CPEB3: variants seen among roughly 807,000 people sequenced by gnomAD.
CPEB3 encodes cytoplasmic polyadenylation element binding protein 3, also known as cytoplasmic polyadenylation element-binding protein 3.
A neutral mutation model predicts 67.2 loss-of-function variants in CPEB3; 20 were observed. The observed-to-expected ratio is 0.30, with a 90% CI of 0.21 to 0.43. CPEB3 has a LOEUF of 0.43. Ranked by LOEUF, CPEB3 falls within the 20% of genes least tolerant of loss-of-function variation. The probability of loss-of-function intolerance (pLI) is 1.00; values close to 1 mark genes in which losing one functional copy is unlikely to be tolerated. For missense variants in CPEB3, 746 were observed against 968.6 expected, an observed-to-expected ratio of 0.77 and a Z score of 3.05; for synonymous variants, 376 against 393.1, an observed-to-expected ratio of 0.96 and a Z score of 0.51.
At chr10:92,088,630 TA>T (rs925238893) in intron 8 of CPEB3, among the ~76,000 whole-genome samples, 81 of 144,716 alleles carry the variant, frequency 5.6e-4, no homozygotes, top group East Asian at 5.9e-4. Flanking sequence ...TATCAAAGAT[TA>T]AAAAAAAAAA....
At chr10:92,171,557 GA>G (rs1354311068) in intron 4 of CPEB3, among the ~76,000 whole-genome samples, 2 of 152,154 alleles carry the variant, frequency 1.3e-5, no homozygotes, top group Non-Finnish European at 2.9e-5. Flanking sequence ...AACTCAAAAG[GA>G]AACAAAGGAA....
At chr10:92,287,133 C>CTTT (rs377070575) in intron 1 of CPEB3, among the ~76,000 whole-genome samples, 3 of 144,424 alleles carry the variant, frequency 2.1e-5, no homozygotes, top group Non-Finnish European at 3.0e-5. Flanking sequence ...TTATCATAGA[C>CTTT]TTTTTTTTTT....
intron 4 of CPEB3, among the ~76,000 whole-genome samples, chr10:92,163,435 T>G (rs1291789691): frequency 3.9e-5 from 6 of 151,956 alleles, no homozygotes; most frequent in Non-Finnish European, 1.5e-5. Context: ...AAAAAAAAAT[T>G]ACTTTCCTTG....
At chr10:92,183,362 T>C (rs960012363) in intron 3 of CPEB3, among the ~76,000 whole-genome samples, 9 of 152,198 alleles carry the variant, frequency 5.9e-5, no homozygotes, top group African/African-American at 2.2e-4. Context: ...AAAATTATAG[T>C]TGGCAACAAG....
intron 3 of CPEB3, among the ~76,000 whole-genome samples, chr10:92,181,236 C>CA (rs576651930): frequency 1.5e-3 from 232 of 150,270 alleles, no homozygotes; most frequent in Non-Finnish European, 2.5e-3. Context: ...TAAAAAAAAA[C>CA]AAAAAAAGAA....
intron 1 of CPEB3, among the ~76,000 whole-genome samples, chr10:92,245,890 T>C (rs760478105): frequency 2.0e-5 from 3 of 151,688 alleles, no homozygotes; most frequent in African/African-American, 4.8e-5. Context: ...TATAAAAAAT[T>C]AGCCAGATGT....
chr10:92,066,897 AC>A (rs1182323145), intron 9 of CPEB3, among the ~76,000 whole-genome samples: 5 of 151,164 alleles, frequency 3.3e-5, no homozygotes, highest in African/African-American at 1.2e-4. Flanking sequence ...ATACAAAAAA[AC>A]ATTAGCCGGG....
chr10:92,090,441 C>T (rs1174994743), intron 8 of CPEB3, among the ~76,000 whole-genome samples: 1 of 152,188 alleles, frequency 6.6e-6, no homozygotes, highest in African/African-American at 2.4e-5. Flanking sequence ...ACTTGGGGGA[C>T]TGAGGCTGGA....
At chr10:92,170,933 C>T (rs570327834) in intron 4 of CPEB3, among the ~76,000 whole-genome samples, 58 of 152,272 alleles carry the variant, frequency 3.8e-4, no homozygotes, top group African/African-American at 1.4e-3. Flanking sequence ...GACTCAATTC[C>T]TACACTGTTC....
At chr10:92,058,613 T>A (rs1183220283) in intron 9 of CPEB3, among the ~76,000 whole-genome samples, 2 of 147,948 alleles carry the variant, frequency 1.4e-5, no homozygotes, top group African/African-American at 2.5e-5. Flanking sequence ...ATATATAAAT[T>A]AATTATATAT....
intron 2 of CPEB3, among the ~76,000 whole-genome samples, chr10:92,232,757 C>CAAAAAA (rs370945253): frequency 8.2e-6 from 1 of 122,068 alleles, no homozygotes; most frequent in Non-Finnish European, 1.7e-5. Flanking sequence ...AACTCCATCT[C>CAAAAAA]AAAAAAAAAA....
chr10:92,054,095 C>T (rs1326270614), intron 9 of CPEB3, among the ~76,000 whole-genome samples: 1 of 152,064 alleles, frequency 6.6e-6, no homozygotes, highest in Non-Finnish European at 1.5e-5. Context: ...TGGAGATATA[C>T]AACTCAATGG....
At chr10:92,248,481 G>C (rs1852161054) in intron 1 of CPEB3, among the ~76,000 whole-genome samples, 1 of 152,042 alleles carries the variant, frequency 6.6e-6, no homozygotes, top group African/African-American at 2.4e-5. Context: ...TACATCCCTA[G>C]CACAATGCTT....
intron 2 of CPEB3, among the ~76,000 whole-genome samples, chr10:92,215,754 T>TC: frequency 7.0e-6 from 1 of 143,638 alleles, no homozygotes; most frequent in South Asian, 2.3e-4. Flanking sequence ...TTTTTTTTTT[T>TC]TTTTCTTTTT....
chr10:92,242,521 T>C (rs1341347009), intron 1 of CPEB3, among the ~76,000 whole-genome samples: 3 of 152,226 alleles, frequency 2.0e-5, no homozygotes, highest in Admixed American at 2.0e-4. Flanking sequence ...CATTATAATC[T>C]GAGATTTGAG....
chr10:92,103,541 T>G (rs775850065), intron 7 of CPEB3, among the ~76,000 whole-genome samples: 5 of 152,222 alleles, frequency 3.3e-5, no homozygotes, highest in African/African-American at 7.2e-5. Context: ...CCTACAAGGC[T>G]CCCTGTCCTC....
At chr10:92,195,778 T>C (rs1849212532) in intron 2 of CPEB3, among the ~76,000 whole-genome samples, 1 of 152,166 alleles carries the variant, frequency 6.6e-6, no homozygotes, top group South Asian at 2.1e-4. Context: ...TAGATAACAA[T>C]ATACCCATTT....
chr10:92,059,971 T>G (rs1044687465), intron 9 of CPEB3, among the ~76,000 whole-genome samples: 4 of 141,646 alleles, frequency 2.8e-5, no homozygotes, highest in Non-Finnish European at 4.6e-5. Flanking sequence ...AAAAAAAAAA[T>G]CAATCATATC....
chr10:92,176,087 T>C (rs1848210341), intron 4 of CPEB3, among the ~76,000 whole-genome samples: 1 of 150,822 alleles, frequency 6.6e-6, no homozygotes, highest in African/African-American at 2.4e-5. Flanking sequence ...TGAGATTCTG[T>C]CTCCAAATAA....
Sources: allele counts gnomAD v4.1 joint callset (sites outside exome capture counted in the v4.1 genomes callset), GRCh38; gene constraint gnomAD v4.1.1; transcripts MANE v1.5; gene names NCBI Gene and HGNC (gene_info 2026-07-23, HGNC 2026-07-21).